PIGG: variants seen among roughly 807,000 people sequenced by gnomAD.
The protein encoded by PIGG is phosphatidylinositol glycan anchor biosynthesis class G (EMM blood group), also known as GPI ethanolamine phosphate transferase 2, catalytic subunit.
A neutral mutation model predicts 83.2 loss-of-function variants in PIGG; 70 were observed. The ratio of observed to expected loss-of-function variants is 0.84; its 90% CI spans 0.69 to 1.03. PIGG has a LOEUF of 1.03. PIGG is among the 50% of genes least tolerant of loss of function. The pLI, the probability that PIGG is intolerant of heterozygous loss-of-function variation, is 0.00. For missense variants in PIGG, 1,257 were observed against 1,233.6 expected, an observed-to-expected ratio of 1.02 and a Z score of -0.28; for synonymous variants, 532 against 519.5, an observed-to-expected ratio of 1.02 and a Z score of -0.33.
chr4:509,615 G>T (rs76393672), intron 5 of PIGG, among the ~76,000 whole-genome samples: 6 of 152,236 alleles, frequency 3.9e-5, no homozygotes, highest in Admixed American at 3.3e-4. Context: ...GCTTTCGGGC[G>T]CTGCTCTCAC....
Position 508,835 on chromosome 4 carries a change from G to T in PIGG, c.766G>T (p.Glu256Ter), listed in dbSNP as rs868977191. The change falls in exon 5 of 13, where the codon GAG becomes TAG. Residue 256 changes from glutamate (E) to a stop codon, truncating the protein, a stop_gained. Transcript: ENST00000453061. LOFTEE classifies it high-confidence loss of function. ...TTTTTCCTTTGCCTTAAAGGAGAGA[G>T]AGACGCCTTTACCCAATTTGCTGGT... ...IHTSLQSKER[E>*]TPLPNLLVLC... 1.3e-5 allele frequency: 21 copies of T among 1,614,012 alleles called. No homozygotes were observed. The highest frequency in any genetic ancestry group is 1.5e-5 in the Non-Finnish European group (18 of 1,179,884).
intron 6 of PIGG, among the ~76,000 whole-genome samples, chr4:517,858 G>T (rs142612067): frequency 6.6e-6 from 1 of 152,166 alleles, no homozygotes; most frequent in Non-Finnish European, 1.5e-5. Flanking sequence ...ACGCAGCCGC[G>T]TTCATCAAGA....
chr4:536,252 C>G (rs1308770349), intron 12 of PIGG: 3 of 152,290 alleles, frequency 2.0e-5, no homozygotes, highest in African/African-American at 7.2e-5. Context: ...CGCGTGCCTT[C>G]CCACAGCGGA....
In PIGG at chr4:527,088, G is replaced by C. The variant is rs574857300; in HGVS notation, c.2119G>C (p.Val707Leu). 6.2e-7 allele frequency: 1 copy of C among 1,613,886 alleles called. No individual in the cohort carries two copies. The highest frequency in any genetic ancestry group is 8.5e-7 in the Non-Finnish European group (1 of 1,179,950). Residue 707 changes from valine (V) to leucine (L), a missense_variant, in exon 10 of 13, where the codon GTA becomes CTA. Coordinates refer to ENST00000453061, the MANE Select transcript of PIGG (RefSeq NM_001127178.3). ...TGTCCTGGCTGCCCTCTCCCTCCTCGTAGTTTTTGTGCTGGTGCAGAGGGG... is the reference window on the plus strand; with the variant it reads ...TGTCCTGGCTGCCCTCTCCCTCCTCCTAGTTTTTGTGCTGGTGCAGAGGGG... Reference protein sequence around the residue: ...LSVLAALSLLVVFVLVQRGCS... With the variant: ...LSVLAALSLLLVFVLVQRGCS...
intron 2 of PIGG, among the ~76,000 whole-genome samples, chr4:505,188 C>T (rs1332972218): frequency 6.6e-6 from 1 of 152,132 alleles, no homozygotes; most frequent in Non-Finnish European, 1.5e-5. Context: ...TTGCCGTCGT[C>T]TCGCTATCCC....
At chr4:517,079 G>A (rs1309815469) in intron 6 of PIGG, among the ~76,000 whole-genome samples, 1 of 152,098 alleles carries the variant, frequency 6.6e-6, no homozygotes. Flanking sequence ...ATTAAGGGGT[G>A]AGGGCCACTG....
chr4:519,220 G>A (rs901718844), intron 6 of PIGG, among the ~76,000 whole-genome samples: 11 of 152,244 alleles, frequency 7.2e-5, no homozygotes, highest in African/African-American at 2.2e-4. Flanking sequence ...GTGTGCGTGC[G>A]TGCGTGTCTG....
At chr4:508,099 A>T (rs1395393051) in intron 4 of PIGG, among the ~76,000 whole-genome samples, 1 of 152,222 alleles carries the variant, frequency 6.6e-6, no homozygotes, top group Non-Finnish European at 1.5e-5. Flanking sequence ...AACAGTCGAT[A>T]ATCCCTCGTG....
rs782745419 is a variant in PIGG, at chr4:506,736, C to T, written c.571-669C>T. On this transcript the variant is annotated intron_variant, in intron 3 of 12. Transcript: ENST00000453061. ...TTGGGGGCTGATCAACTGCTCATCT[C>T]TCCTCCGTGATGTGTTTATTTCAGA... The T allele has an allele frequency of 1.1e-4, 51 of 455,932 alleles. 1 individual carries two copies. The highest frequency in any genetic ancestry group is 7.6e-4 in the South Asian group (49 of 64,548). The allele number at this position is 455,932 out of a possible 1,614,324, so 28.2% of individuals were successfully genotyped here. A position where few individuals can be genotyped will look rare whatever the true frequency, so the allele number is the denominator to read the frequency against.
rs572120983 is a variant in PIGG, at chr4:511,021, CTG to C, written c.901+2054_901+2055del. Among the ~76,000 whole-genome samples, 333 of 152,272 alleles carry C rather than the reference CTG, an allele frequency of 2.2e-3. 2 individuals carry two copies. Among genetic ancestry groups the C allele is most frequent in the Non-Finnish European group, 3.8e-3 (260 of 68,020 alleles). Reference sequence around the variant, plus strand: ...CAAGACTTCATTTCTAGGCCAGGCACTGTGGCTCTCACCTGTAATCCCAGCAC... The same window carrying C: ...CAAGACTTCATTTCTAGGCCAGGCACTGGCTCTCACCTGTAATCCCAGCAC... On this transcript the variant is annotated intron_variant, in intron 5 of 12. Transcript: ENST00000453061.
chr4:507,498 G>A lies in PIGG; in HGVS notation c.664G>A (p.Gly222Ser). 1 of 1,614,090 alleles carries A rather than the reference G, an allele frequency of 6.2e-7. No individual in the cohort carries two copies. Among genetic ancestry groups the A allele is most frequent in the Non-Finnish European group, 8.5e-7 (1 of 1,179,942 alleles). Residue 222 changes from glycine (G) to serine (S), a missense_variant, in exon 4 of 13, where the codon GGC (glycine) becomes AGC (serine). Physicochemically the swap from Gly to Ser is moderately conservative, Grantham distance 56. Transcript: ENST00000453061. ...ILHYLGLDHI[G>S]HISGPNSPLI... is the part of the protein sequence containing the mutation. ...CCACTACCTGGGGCTGGACCACATT[G>A]GCCACATTTCAGGGCCCAACAGCCC...
Position 521,941 on chromosome 4 carries a change from G to T in PIGG, c.1614G>T (p.Lys538Asn). 6.2e-7 allele frequency: 1 copy of T among 1,614,072 alleles called. No individual in the cohort carries two copies. Among genetic ancestry groups the T allele is most frequent in the Non-Finnish European group, 8.5e-7 (1 of 1,179,958 alleles). Residue 538 changes from lysine to asparagine, a missense_variant and splice_region_variant, in exon 8 of 13, where the codon AAG becomes AAT. By Grantham distance (94) the Lys-to-Asn change is moderately conservative. Transcript: ENST00000453061. ...TCGTGGGTGGAAACACCCCAAGGAA[G>T]GTACGTACGGCTGGTTCCTGGGAGT... is the stretch of plus-strand genomic sequence containing the variant. Reference protein sequence around the residue: ...NVLVGGNTPRKNPMHPSSRWS... With the variant: ...NVLVGGNTPRNNPMHPSSRWS...
intron 10 of PIGG, among the ~76,000 whole-genome samples, chr4:529,460 C>G (rs1560362955): frequency 6.6e-6 from 1 of 152,128 alleles, no homozygotes; most frequent in Non-Finnish European, 1.5e-5. Flanking sequence ...AGTTTACTTT[C>G]TTAATGTAAA....
At position 535,203 on chromosome 4, in the gene PIGG, G is replaced by A. The variant is rs547118084; in HGVS notation, c.2735+1222G>A. On this transcript the variant is annotated intron_variant, in intron 12 of 12. Coordinates refer to ENST00000453061, the MANE Select transcript of PIGG (RefSeq NM_001127178.3). ...TGGTCTGGCAGAGACCCCAGGGCCT[G>A]CAAAGTTATTCGACTCACATGTGCC... 3.3e-5 allele frequency among the ~76,000 whole-genome samples: 5 copies of A among 152,310 alleles called. No homozygotes were observed. The East Asian group carries it at 9.7e-4, about 29-fold the overall frequency.
chr4:517,500 G>T (rs972185874), intron 6 of PIGG, among the ~76,000 whole-genome samples: 1 of 152,146 alleles, frequency 6.6e-6, no homozygotes, highest in Non-Finnish European at 1.5e-5. Flanking sequence ...GCTTGTGGGT[G>T]GGGGTGTTGG....
rs753271836 is a variant in PIGG at position 523,790 on chromosome 4, G to T, written c.1946G>T (p.Arg649Leu). 2.5e-6 allele frequency: 4 copies of T among 1,613,770 alleles called. No individual in the cohort carries two copies. Among genetic ancestry groups the T allele is most frequent in the Middle Eastern group, 1.7e-4 (1 of 6,060 alleles). ...TCTACCTCCGAAGTGCTCAGAGGCC[G>T]CGAGAAGTGGATGGTGCTGGCCAGT... ...SPSTSEVLRG[R>L]EKWMVLASPW... The change falls in exon 9 of 13, where the codon CGC becomes CTC. Residue 649 changes from arginine (R) to leucine (L), a missense_variant. Physicochemically the swap from Arg to Leu is moderately radical, Grantham distance 102. Transcript: ENST00000453061.
intron 2 of PIGG, among the ~76,000 whole-genome samples, chr4:503,746 G>A (rs1718584042): frequency 6.6e-6 from 1 of 152,058 alleles, no homozygotes; most frequent in South Asian, 2.1e-4. Flanking sequence ...AGGTAAAGAT[G>A]TTCATGATGT....
chr4:507,156 T>C (rs1416075231), intron 3 of PIGG, among the ~76,000 whole-genome samples: 2 of 152,216 alleles, frequency 1.3e-5, no homozygotes, highest in Non-Finnish European at 1.5e-5. Flanking sequence ...CCCAGGTGGG[T>C]CCTGAACTCT....
Position 539,219 on chromosome 4 carries a change from C to T in PIGG, c.2802C>T (p.Tyr934=), listed in dbSNP as rs1455360829. Residue 934 remains tyrosine (Y), a synonymous_variant, in exon 13 of 13, where the codon TAC becomes TAT. Coordinates refer to ENST00000453061, the MANE Select transcript of PIGG (RefSeq NM_001127178.3). ...ALICSIPVFT[Y]IVLVTSLRYH... ...TTTGTTCTATTCCAGTTTTCACGTA[C>T]ATCGTTTTGGTGACATCTCTGCGTT... 1 of 1,613,086 alleles carries T rather than the reference C, an allele frequency of 6.2e-7. No individual in the cohort carries two copies. Among genetic ancestry groups the T allele is most frequent in the African/African-American group, 1.3e-5 (1 of 74,908 alleles).
Sources: gnomAD v4.1 joint callset for allele counts (sites outside exome capture counted in the v4.1 genomes callset) on GRCh38, gnomAD v4.1.1 for gene constraint, MANE v1.5 for transcripts, NCBI Gene and HGNC (gene_info 2026-07-23, HGNC 2026-07-21) for gene names.